RNF213: variants seen among roughly 807,000 people sequenced by gnomAD.
The protein encoded by RNF213 is ring finger protein 213, also known as E3 ubiquitin-protein ligase RNF213.
Under a neutral mutation model 514.4 loss-of-function variants are expected in RNF213, and 341 were observed. The ratio of observed to expected loss-of-function variants is 0.66; its 90% confidence interval spans 0.61 to 0.73. The LOEUF (loss-of-function observed/expected upper bound fraction) is 0.73. RNF213 is among the 30% of genes least tolerant of loss of function. The probability of loss-of-function intolerance (pLI) is 0.00; values close to 1 mark genes in which losing one functional copy is unlikely to be tolerated. For missense variants in RNF213, 5,767 were observed against 6,615.6 expected, an observed-to-expected ratio of 0.87 and a Z score of 4.45; for synonymous variants, 2,655 against 2,658.2, an observed-to-expected ratio of 1.00 and a Z score of 0.04.
Position 80,376,917 on chromosome 17 carries a change from G to A in RNF213, c.13464G>A (p.Leu4488=), listed in dbSNP as rs751787395. 6.2e-7 allele frequency: 1 copy of A among 1,614,124 alleles called. No individual in the cohort carries two copies. Among genetic ancestry groups the A allele is most frequent in the Non-Finnish European group, 8.5e-7 (1 of 1,180,036 alleles). Reference sequence around the variant, plus strand: ...TTCCAACCATGCCTGAAGACTTGCTGGCTCAAGCTCGGAGGTGGAAGGGTC... The same window carrying A: ...TTCCAACCATGCCTGAAGACTTGCTAGCTCAAGCTCGGAGGTGGAAGGGTC... ...AFLPTMPEDL[L]AQARRWKGLE... is the part of the protein sequence containing the mutation. Residue 4488 remains leucine (L), a synonymous_variant, in exon 53 of 68, where the codon CTG becomes CTA. Coordinates refer to ENST00000582970, the MANE Select transcript of RNF213 (RefSeq NM_001256071.3).
At chr17:80,382,118 G>A (rs11547133) in intron 57 of RNF213, 18,339 of 249,332 alleles carry the variant, frequency 0.074, 865 homozygotes, top group Non-Finnish European at 0.11. Context: ...CAGAGCGTGC[G>A]TGTCAAAGGA....
At chr17:80,363,415 C>G (rs1311850844) in intron 40 of RNF213, 101 bp downstream of exon 40, 25 of 1,308,778 alleles carry the variant, frequency 1.9e-5, no homozygotes, top group Non-Finnish European at 2.7e-5. Context: ...TGGGAGATTT[C>G]TTCACAAGGC....
chr17:80,344,175 A>G (rs2078241267), intron 28 of RNF213, among the ~76,000 whole-genome samples, 160 bp downstream of exon 28: 1 of 152,148 alleles, frequency 6.6e-6, no homozygotes, highest in South Asian at 2.1e-4. Context: ...CTTTAAACTC[A>G]CTTTTTAATC....
At chr17:80,389,624 G>A (rs924735651) in intron 65 of RNF213, among the ~76,000 whole-genome samples, 2 of 152,188 alleles carry the variant, frequency 1.3e-5, no homozygotes, top group Non-Finnish European at 2.9e-5. Context: ...TGCAAACAGC[G>A]TGATGTGAGC....
At chr17:80,367,679 T>G in intron 42 of RNF213, 69 bp from the exon 43 acceptor site, 1 of 1,246,780 alleles carries the variant, frequency 8.0e-7, no homozygotes, top group Non-Finnish European at 1.2e-6. Flanking sequence ...TGGTGCTCCC[T>G]CTGTCGCCCG....
Position 80,340,399 on chromosome 17 carries a change from C to T in RNF213, c.5989+43C>T, listed in dbSNP as rs980626602. The T allele has an allele frequency of 5.3e-6, 8 of 1,520,650 alleles. No individual in the cohort carries two copies. In the African/African-American group the frequency reaches 9.6e-5, roughly 18 times the overall value. The allele number at this position is 1,520,650 out of a possible 1,614,324, so 94.2% of individuals were successfully genotyped here. A position where few individuals can be genotyped will look rare whatever the true frequency, so the allele number is the denominator to read the frequency against. ...GTGGGCAGGCCCCGTCTCCCAGGGA[C>T]TGCCCGGGGCCCTTCCCCCCTCCAG... On this transcript the variant is annotated intron_variant, in intron 26 of 67. Coordinates refer to ENST00000582970, the MANE Select transcript of RNF213 (RefSeq NM_001256071.3).
chr17:80,286,557 A>AGTGGCAGTG (rs1264452648), intron 3 of RNF213, among the ~76,000 whole-genome samples: 1 of 152,044 alleles, frequency 6.6e-6, no homozygotes, highest in African/African-American at 2.4e-5. Context: ...GGGCTCCTGA[A>AGTGGCAGTG]GTGGCAGTGA....
chr17:80,382,306 T>C (rs2080043552), intron 57 of RNF213: 1 of 156,588 alleles, frequency 6.4e-6, no homozygotes, highest in Admixed American at 6.1e-5. Context: ...TATATGGTTA[T>C]CTGTGAGTGG....
chr17:80,388,515 T>C, intron 63 of RNF213, 97 bp from the exon 64 acceptor site: 2 of 837,222 alleles, frequency 2.4e-6, no homozygotes, highest in Non-Finnish European at 4.1e-6. Flanking sequence ...AGCGCGGCAC[T>C]ACGCTGCAGT....
At chr17:80,309,942 G>C (rs530498413) in intron 14 of RNF213, among the ~76,000 whole-genome samples, 1 of 152,012 alleles carries the variant, frequency 6.6e-6, no homozygotes, top group Non-Finnish European at 1.5e-5. Context: ...TTTTAGTAGA[G>C]ATGGGGTTTC....
chr17:80,368,256 CT>C (rs2079359621), intron 44 of RNF213, 113 bp downstream of exon 44: 1 of 1,156,394 alleles, frequency 8.6e-7, no homozygotes, highest in Non-Finnish European at 1.3e-6. Flanking sequence ...AAAACCTGAC[CT>C]CAGAGAACTA....
In RNF213 at chr17:80,295,657, A is replaced by C. The variant is rs756565993; in HGVS notation, c.1856A>C (p.Lys619Thr). 1.1e-5 allele frequency: 18 copies of C among 1,613,990 alleles called. No individual in the cohort carries two copies. Among genetic ancestry groups the C allele is most frequent in the Admixed American group, 3.3e-5 (2 of 59,988 alleles). Residue 619 changes from lysine (K) to threonine (T), a missense_variant, in exon 10 of 68, where the codon AAA (lysine) becomes ACA (threonine). Lys to Thr is a moderately conservative substitution (Grantham distance 78, BLOSUM62 -1). This residue lies in a region of RNF213 where 592 missense variants were observed against 673.9 expected (regional missense o/e 0.88). Transcript: ENST00000582970. Reference protein sequence around the residue: ...FLPVDCPVRSKLKTGLIVLFV... With the variant: ...FLPVDCPVRSTLKTGLIVLFV... ...CCTGTGGACTGCCCAGTGAGGAGTAAACTGAAAACAGGCCTGATTGTCCTT... is the reference window on the plus strand; with the variant it reads ...CCTGTGGACTGCCCAGTGAGGAGTACACTGAAAACAGGCCTGATTGTCCTT...
chr17:80,319,560 C>T (rs779408191), intron 17 of RNF213: 120 of 1,604,598 alleles, frequency 7.5e-5, no homozygotes, highest in East Asian at 1.1e-4. Context: ...GAATCACGGC[C>T]GTGCGCGTGT....
intron 36 of RNF213, among the ~76,000 whole-genome samples, chr17:80,355,485 CAGA>C (rs2078731142): frequency 3.4e-5 from 1 of 29,678 alleles, no homozygotes; most frequent in African/African-American, 1.1e-4. Context: ...TGGGGGCTCA[CAGA>C]GGAAGAAGCG....
At chr17:80,296,474 C>T (rs1313239340) in intron 10 of RNF213, among the ~76,000 whole-genome samples, 5 of 152,170 alleles carry the variant, frequency 3.3e-5, no homozygotes, top group Non-Finnish European at 5.9e-5. Context: ...CTGCCTGTGC[C>T]GTGTCTAGTT....
chr17:80,354,066 C>T lies in RNF213; in HGVS notation c.10626C>T (p.Ser3542=), dbSNP rs756612314. ...GGCTGCTGAGAAGCTGTGTGCAGAG[C>T]GCCGTGGGCATGCTCAGAGACCAGA... is the stretch of plus-strand genomic sequence containing the variant. ...TTRLLRSCVQ[S]AVGMLRDQNE... Residue 3542 remains serine, a synonymous_variant, in exon 35 of 68, where the codon AGC becomes AGT. Transcript: ENST00000582970. 6.2e-6 allele frequency: 10 copies of T among 1,613,980 alleles called. No individual in the cohort carries two copies. The highest frequency in any genetic ancestry group is 4.5e-5 in the East Asian group (2 of 44,880).
chr17:80,393,289 C>G, intron 67 of RNF213, 56 bp from the exon 68 acceptor site: 1 of 1,494,836 alleles, frequency 6.7e-7, no homozygotes, highest in Non-Finnish European at 9.2e-7. Context: ...GGCTTACACA[C>G]GTGAGCCACC....
Position 80,332,209 on chromosome 17 carries a change from G to A in RNF213, c.3721G>A (p.Ala1241Thr), listed in dbSNP as rs866950138. 1.8e-5 allele frequency: 28 copies of A among 1,537,028 alleles called. No individual in the cohort carries two copies. Among genetic ancestry groups the A allele is most frequent in the African/African-American group, 6.8e-5 (5 of 73,042 alleles). The change falls in exon 21 of 68, where the codon GCA (alanine) becomes ACA (threonine). Residue 1241 changes from alanine (A) to threonine (T), a missense_variant. Coordinates refer to ENST00000582970, the MANE Select transcript of RNF213 (RefSeq NM_001256071.3). ...HIFQLFWREAAEPLSEPKEDQ... is the reference protein window; with the variant it reads ...HIFQLFWREATEPLSEPKEDQ... The stretch of plus-strand genomic sequence containing the variant: ...CTTCCAGCTCTTCTGGCGGGAAGCC[G>A]CAGAGCCGCTGAGTGAGCCTAAGGA...
intron 51 of RNF213, 70 bp from the exon 52 acceptor site, chr17:80,376,231 A>C (rs1456468257): frequency 3.2e-6 from 5 of 1,542,506 alleles, no homozygotes; most frequent in Non-Finnish European, 4.5e-6. Flanking sequence ...ATTTGGTGTC[A>C]GTGTATGTCT....
Sources: allele counts gnomAD v4.1 joint callset (sites outside exome capture counted in the v4.1 genomes callset), GRCh38; gene constraint gnomAD v4.1.1; regional missense constraint gnomAD v4.1.1; transcripts MANE v1.5; gene names NCBI Gene and HGNC (gene_info 2026-07-23, HGNC 2026-07-21).